Variants in LZTR1 observed in about 807,000 individuals in gnomAD.
LZTR1 encodes the protein leucine-zipper-like transcriptional regulator 1.
Under a neutral mutation model 105.7 loss-of-function variants are expected in LZTR1, and 260 were observed. That is an observed-to-expected ratio of 2.46 (90% confidence interval 2.22 to 2.72). LZTR1 has a LOEUF of 2.72. Among genes scored for constraint, LZTR1 ranks in the 30% most tolerant of loss-of-function variants. The pLI is 0.00. For synonymous variants in LZTR1, 490 were observed against 476.4 expected (o/e 1.03, Z -0.37); for missense variants, 1,214 against 1,166.9 (o/e 1.04, Z -0.59).
intron 18 of LZTR1, 170 bp from the exon 19 acceptor site, chr22:20,996,526 G>A: frequency 3.2e-6 from 2 of 620,532 alleles, no homozygotes; most frequent in East Asian, 5.5e-5. Context: ...GGGATTCATG[G>A]TTTTCTTTGG....
At chr22:20,984,354 C>A (rs1435937582) in intron 2 of LZTR1, among the ~76,000 whole-genome samples, 1 of 152,174 alleles carries the variant, frequency 6.6e-6, no homozygotes, top group African/African-American at 2.4e-5. Flanking sequence ...TTTACTGCAG[C>A]CTTAATGAGA....
intron 6 of LZTR1, 34 bp from the exon 7 acceptor site, chr22:20,989,591 C>T (rs1166969881): frequency 6.9e-6 from 11 of 1,594,646 alleles, no homozygotes; most frequent in South Asian, 3.3e-5. Context: ...GACCACCAGA[C>T]CCAAGGGGTC....
intron 2 of LZTR1, among the ~76,000 whole-genome samples, chr22:20,984,609 AAGG>A (rs1489916735): frequency 0.029 from 111 of 3,770 alleles, 8 homozygotes; most frequent in African/African-American, 0.036. Context: ...TGGGGCAAGT[AAGG>A]AGGGGGGGGG....
At chr22:20,988,331 G>A (rs536993216) in intron 5 of LZTR1, among the ~76,000 whole-genome samples, 16 of 152,318 alleles carry the variant, frequency 1.1e-4, no homozygotes, top group African/African-American at 3.1e-4. Context: ...TGGACCAGGC[G>A]TGGTGGCGCA....
intron 1 of LZTR1, 46 bp downstream of exon 1, chr22:20,982,617 C>A: frequency 6.3e-7 from 1 of 1,582,266 alleles, no homozygotes; most frequent in Non-Finnish European, 8.6e-7. Flanking sequence ...GGGCGATCTG[C>A]GAGGGTCCCA....
At chr22:20,992,169 G>C in intron 9 of LZTR1, 45 bp from the exon 10 acceptor site, 1 of 1,587,004 alleles carries the variant, frequency 6.3e-7, no homozygotes, top group Non-Finnish European at 8.6e-7. Context: ...GCACCTACCT[G>C]GCCCTTGCCA....
chr22:20,988,938 G>A, intron 6 of LZTR1, 66 bp downstream of exon 6: 1 of 1,370,700 alleles, frequency 7.3e-7, no homozygotes, highest in Non-Finnish European at 1.0e-6. Flanking sequence ...AGGCCGTCCT[G>A]GCATTTGAGG....
rs372553130 is a variant in LZTR1 at position 20,997,216 on chromosome 22, C to A, written c.2407-16C>A. ...TGGATCTGGTCCCATCTCCTTCCGG[C>A]CTGCTTGCCTTACAGGTCTCCAAGT... On this transcript the variant is annotated splice_polypyrimidine_tract_variant and intron_variant, in intron 20 of 20. Transcript: ENST00000646124. 21 of 1,568,246 alleles carry A rather than the reference C, an allele frequency of 1.3e-5. No homozygotes were observed. The African/African-American group carries it at 2.4e-4, about 18-fold the overall frequency.
intron 6 of LZTR1, 89 bp from the exon 7 acceptor site, chr22:20,989,536 C>A: frequency 1.9e-6 from 2 of 1,051,948 alleles, no homozygotes; most frequent in East Asian, 2.4e-5. Context: ...GGGGGTGGGG[C>A]TCCTCCCTGC....
intron 14 of LZTR1, 107 bp downstream of exon 14, chr22:20,994,376 CT>C (rs1924734569): frequency 7.3e-7 from 1 of 1,363,554 alleles, no homozygotes. Flanking sequence ...CCCCCTGAGG[CT>C]CAGAGGCTGC....
chr22:20,987,388 CAAAAAA>C (rs58365624), intron 3 of LZTR1, 110 bp from the exon 4 acceptor site: 5 of 531,012 alleles, frequency 9.4e-6, no homozygotes, highest in South Asian at 2.4e-5. Context: ...GACTCCGTCT[CAAAAAA>C]AAAAAAAAAG....
intron 8 of LZTR1, chr22:20,991,352 C>T (rs1924598055): frequency 6.0e-6 from 3 of 499,532 alleles, no homozygotes; most frequent in African/African-American, 1.9e-5. Context: ...GGGTCAGATG[C>T]CACCCTCCTG....
chr22:20,993,710 T>C lies in LZTR1; in HGVS notation c.1309T>C (p.Trp437Arg). Residue 437 changes from tryptophan to arginine, a missense_variant, in exon 12 of 21, where the codon TGG becomes CGG. Physicochemically the swap from Trp to Arg is moderately radical, Grantham distance 101 (BLOSUM62 -3). Coordinates refer to ENST00000646124, the MANE Select transcript of LZTR1 (RefSeq NM_006767.4). ...CTLHEDYGRL[W>R]ESRQFCDVEF... ...GCTGCACGAGGACTACGGGCGGCTGTGGGAGAGCCGCCAGTTCTGCGACGT... is the reference window on the plus strand; with the variant it reads ...GCTGCACGAGGACTACGGGCGGCTGCGGGAGAGCCGCCAGTTCTGCGACGT... 1 of 1,613,422 alleles carries C rather than the reference T, an allele frequency of 6.2e-7. No homozygotes were observed. Among genetic ancestry groups the C allele is most frequent in the Non-Finnish European group, 8.5e-7 (1 of 1,179,926 alleles).
In LZTR1 at chr22:20,987,921, A is replaced by AG. The variant is rs970080892; in HGVS notation, c.401-83dup. 9.2e-5 allele frequency: 74 copies of AG among 804,726 alleles called. No individual in the cohort carries two copies. In the African/African-American group the frequency reaches 1.1e-3, roughly 12 times the overall value. The allele number at this position is 804,726 out of a possible 1,614,324, so 49.8% of individuals were successfully genotyped here. A position where few individuals can be genotyped will look rare whatever the true frequency, so the allele number is the denominator to read the frequency against. Reference sequence around the variant, plus strand: ...AAGGAGTCCTGGCTTATGCATTTTCAGGGGGGCCAGATTCTGCTCCACCTT... The same window carrying AG: ...AAGGAGTCCTGGCTTATGCATTTTCAGGGGGGGCCAGATTCTGCTCCACCTT... On this transcript the variant is annotated intron_variant, in intron 4 of 20. Coordinates refer to ENST00000646124, the MANE Select transcript of LZTR1 (RefSeq NM_006767.4).
intron 4 of LZTR1, among the ~76,000 whole-genome samples, 179 bp downstream of exon 4, chr22:20,987,762 C>T (rs907140731): frequency 2.0e-5 from 3 of 152,268 alleles, no homozygotes; most frequent in Non-Finnish European, 2.9e-5. Context: ...CTTGCCCTAA[C>T]GGCCCTGAGC....
In LZTR1 at chr22:20,998,177, G is replaced by A. The variant is rs1339225034; in HGVS notation, c.*829G>A. The A allele has an allele frequency of 6.6e-6, 1 of 152,372 alleles. No homozygotes were observed. The highest frequency in any genetic ancestry group is 1.5e-5 in the Non-Finnish European group (1 of 68,150). The allele number at this position is 152,372 out of a possible 1,614,324, so 9.4% of individuals were successfully genotyped here. ...GGCTTCAGCCCCTTGAGCAGCCCAT[G>A]GCTTAGCAGACCCCCAGATGTAGGT... On this transcript the variant is annotated 3_prime_UTR_variant, in exon 21 of 21. Coordinates refer to ENST00000646124, the MANE Select transcript of LZTR1 (RefSeq NM_006767.4).
intron 10 of LZTR1, 86 bp from the exon 11 acceptor site, chr22:20,992,708 C>T: frequency 2.3e-6 from 2 of 888,206 alleles, no homozygotes; most frequent in South Asian, 2.9e-5. Context: ...CCATGAGGTG[C>T]CGCATCCTTG....
Position 20,996,978 on chromosome 22 carries a change from G to C in LZTR1, c.2406+12G>C. The C allele has an allele frequency of 1.9e-6, 3 of 1,613,282 alleles. No individual in the cohort carries two copies. Among genetic ancestry groups the C allele is most frequent in the Non-Finnish European group, 2.5e-6 (3 of 1,179,748 alleles). On this transcript the variant is annotated intron_variant, in intron 20 of 20. Transcript: ENST00000646124. ...ACCAGTTCACCAAGGTCAGGGCTCT[G>C]GCCTCCCCTTCAGGACTCGCTTCCC...
Position 20,996,104 on chromosome 22 carries a change from G to C in LZTR1, c.2211G>C (p.Glu737Asp). The part of the protein sequence containing the change: ...IYYGEVNMPP[E>D]DSLYLFAAPY... ...ACGGCGAGGTCAACATGCCGCCCGA[G>C]GACTCGCTGCATCCTCACTCCCCAG... The change falls in exon 18 of 21, where the codon GAG (glutamate) becomes GAC (aspartate). Residue 737 changes from glutamate to aspartate, a missense_variant. Glu to Asp is a conservative substitution (Grantham distance 45, BLOSUM62 2). Coordinates refer to ENST00000646124, the MANE Select transcript of LZTR1 (RefSeq NM_006767.4). 1 of 1,612,364 alleles carries C rather than the reference G, an allele frequency of 6.2e-7. No individual in the cohort carries two copies. Among genetic ancestry groups the C allele is most frequent in the Non-Finnish European group, 8.5e-7 (1 of 1,179,904 alleles).
Sources: gnomAD v4.1 joint callset for allele counts (sites outside exome capture counted in the v4.1 genomes callset) on GRCh38, gnomAD v4.1.1 for gene constraint, MANE v1.5 for transcripts, NCBI Gene and HGNC (gene_info 2026-07-23, HGNC 2026-07-21) for gene names.